WSCD1: variants seen among roughly 807,000 people sequenced by gnomAD.
WSCD1 encodes the protein WSC domain sialate O sulfotransferase 1.
In WSCD1, 41 loss-of-function variants were observed where a neutral mutation model predicts 60.4. The observed-to-expected ratio is 0.68, with a 90% CI of 0.53 to 0.88. WSCD1 has a LOEUF of 0.88. Ranked by LOEUF, WSCD1 falls within the 40% of genes least tolerant of loss-of-function variation. The pLI is 0.00. For synonymous variants in WSCD1, 361 were observed against 332.5 expected (o/e 1.09, Z -0.93); for missense variants, 784 against 796.2 (o/e 0.98, Z 0.18).
Position 6,120,396 on chromosome 17 carries a change from T to C in WSCD1, c.1463T>C (p.Val488Ala). 1 of 1,614,030 alleles carries C rather than the reference T, an allele frequency of 6.2e-7. No homozygotes were observed. The highest frequency in any genetic ancestry group is 8.5e-7 in the Non-Finnish European group (1 of 1,180,010). ...AAGTACGGGAAGCGGCTGCTGGTGG[T>C]GCACTACGAGGAGCTGCGGCGCAGC... ...WLKYGKRLLVVHYEELRRSLV... is the reference protein window; with the variant it reads ...WLKYGKRLLVAHYEELRRSLV... Residue 488 changes from valine to alanine, a missense_variant, in exon 9 of 9, where the codon GTG becomes GCG. Transcript: ENST00000317744.
chr17:6,081,026 A>G lies in WSCD1; in HGVS notation c.368A>G (p.Asp123Gly), dbSNP rs1285589408. 4.5e-6 allele frequency: 7 copies of G among 1,542,892 alleles called. No homozygotes were observed. In the South Asian group the frequency reaches 8.3e-5, roughly 18 times the overall value. ...RRRWFHHFMS[D>G]SQGPPALGPE... is the part of the protein sequence containing the mutation. The stretch of plus-strand genomic sequence containing the variant: ...CGCTGGTTCCACCACTTCATGAGTG[A>G]CTCCCAGGGACCGCCCGCCCTGGGC... Residue 123 changes from aspartate to glycine, a missense_variant, in exon 2 of 9, where the codon GAC becomes GGC. Physicochemically the swap from Asp to Gly is moderately conservative, Grantham distance 94. Coordinates refer to ENST00000317744, the MANE Select transcript of WSCD1 (RefSeq NM_015253.2).
chr17:6,086,029 G>C (rs1021347171), intron 2 of WSCD1, among the ~76,000 whole-genome samples: 1 of 152,034 alleles, frequency 6.6e-6, no homozygotes, highest in Non-Finnish European at 1.5e-5. Context: ...GAGGCTCAGA[G>C]CCTGGCTGGG....
At chr17:6,109,879 T>A (rs549176249) in intron 6 of WSCD1, 113 bp downstream of exon 6, 7 of 1,422,278 alleles carry the variant, frequency 4.9e-6, no homozygotes, top group African/African-American at 4.2e-5. Flanking sequence ...GTATGGCATG[T>A]GTCTGTGTAA....
At chr17:6,070,914 G>A (rs1305131518) in intron 1 of WSCD1, among the ~76,000 whole-genome samples, 1 of 151,672 alleles carries the variant, frequency 6.6e-6, no homozygotes, top group African/African-American at 2.4e-5. Context: ...GGATGGGGTG[G>A]GGGTGCGCGA....
In WSCD1 at chr17:6,117,478, G is replaced by C. The variant is rs186717052; in HGVS notation, c.1175-510G>C. Reference sequence around the variant, plus strand: ...CTGTGGGGAGGTGAGAGGAGGCTGGGGGTCTCACAGAGACACACGGTGGCA... The same window carrying C: ...CTGTGGGGAGGTGAGAGGAGGCTGGCGGTCTCACAGAGACACACGGTGGCA... On this transcript the variant is annotated intron_variant, in intron 7 of 8. Coordinates refer to ENST00000317744, the MANE Select transcript of WSCD1 (RefSeq NM_015253.2). Among the ~76,000 whole-genome samples, 123 of 152,324 alleles carry C rather than the reference G, an allele frequency of 8.1e-4. No individual in the cohort carries two copies. In the Middle Eastern group the frequency reaches 0.014, roughly 17 times the overall value.
intron 7 of WSCD1, among the ~76,000 whole-genome samples, chr17:6,112,741 A>C (rs1249461513): frequency 6.6e-6 from 1 of 152,202 alleles, no homozygotes; most frequent in African/African-American, 2.4e-5. Context: ...ATTTAATAAA[A>C]GAGATGAAAG....
chr17:6,111,054 G>A (rs2150566353), intron 7 of WSCD1, 119 bp downstream of exon 7: 1 of 1,289,912 alleles, frequency 7.8e-7, no homozygotes, highest in Non-Finnish European at 1.0e-6. Flanking sequence ...GTACATAAGA[G>A]TCACCTGTGG....
At chr17:6,109,405 C>G (rs1279127109) in intron 5 of WSCD1, among the ~76,000 whole-genome samples, 1 of 152,206 alleles carries the variant, frequency 6.6e-6, no homozygotes, top group African/African-American at 2.4e-5. Flanking sequence ...ACTTGAGCTG[C>G]TTGAAGCTCA....
intron 5 of WSCD1, among the ~76,000 whole-genome samples, chr17:6,107,742 T>C (rs1442883144): frequency 6.6e-6 from 1 of 151,354 alleles, no homozygotes; most frequent in African/African-American, 2.4e-5. Context: ...GGTTTTGTGA[T>C]AGAGGGTGGA....
At chr17:6,120,218 G>T in intron 8 of WSCD1, 91 bp from the exon 9 acceptor site, 3 of 1,383,066 alleles carry the variant, frequency 2.2e-6, no homozygotes, top group African/African-American at 1.4e-5. Flanking sequence ...GGAAAACCCT[G>T]CCCACTTCCC....
chr17:6,099,562 T>C (rs1474137486), intron 5 of WSCD1, among the ~76,000 whole-genome samples: 1 of 151,876 alleles, frequency 6.6e-6, no homozygotes, highest in Non-Finnish European at 1.5e-5. Flanking sequence ...AATATGGTGA[T>C]TCCCACTGTC....
intron 3 of WSCD1, among the ~76,000 whole-genome samples, chr17:6,090,015 G>A (rs1190740797): frequency 6.6e-6 from 1 of 152,104 alleles, no homozygotes; most frequent in Non-Finnish European, 1.5e-5. Context: ...TCCAGACTCA[G>A]TTGCCATTGC....
chr17:6,087,820 A>T (rs1909756667), intron 2 of WSCD1, 170 bp from the exon 3 acceptor site: 2 of 536,922 alleles, frequency 3.7e-6, no homozygotes, highest in Non-Finnish European at 3.3e-6. Context: ...GAGGTGTCAG[A>T]TGCTCACTTT....
In WSCD1 at chr17:6,094,996, A is replaced by G. The variant is rs993676668; in HGVS notation, c.728-106A>G. 11 of 1,492,046 alleles carry G rather than the reference A, an allele frequency of 7.4e-6. No individual in the cohort carries two copies. The South Asian group carries it at 1.5e-4, about 20-fold the overall frequency. The allele number at this position is 1,492,046 out of a possible 1,614,324, so 92.4% of individuals were successfully genotyped here. A position where few individuals can be genotyped will look rare whatever the true frequency, so the allele number is the denominator to read the frequency against. On this transcript the variant is annotated intron_variant, in intron 4 of 8. Coordinates refer to ENST00000317744, the MANE Select transcript of WSCD1 (RefSeq NM_015253.2). Reference sequence around the variant, plus strand: ...CTCCCTGATTTGAACTCGCCTCGTAAGTTTATTTATACCTGTCTCAGGACC... The same window carrying G: ...CTCCCTGATTTGAACTCGCCTCGTAGGTTTATTTATACCTGTCTCAGGACC...
Position 6,117,677 on chromosome 17 carries a change from G to A in WSCD1, c.1175-311G>A, listed in dbSNP as rs993778090. On this transcript the variant is annotated intron_variant, in intron 7 of 8. Transcript: ENST00000317744. Reference sequence around the variant, plus strand: ...CTATGAAGATGCCCAAAACATATGCGTGCATCTGCAATGACGGGTCTTCTG... The same window carrying A: ...CTATGAAGATGCCCAAAACATATGCATGCATCTGCAATGACGGGTCTTCTG... Among the ~76,000 whole-genome samples the A allele has an allele frequency of 8.5e-5, 13 of 152,336 alleles. No homozygotes were observed. The East Asian group carries it at 1.5e-3, about 18-fold the overall frequency.
At chr17:6,097,563 C>A (rs1597362245) in intron 5 of WSCD1, among the ~76,000 whole-genome samples, 1 of 152,260 alleles carries the variant, frequency 6.6e-6, no homozygotes, top group Non-Finnish European at 1.5e-5. Flanking sequence ...CTTTCTCATT[C>A]TTTTTTACCA....
chr17:6,104,949 C>G (rs1414438997), intron 5 of WSCD1, among the ~76,000 whole-genome samples: 4 of 152,122 alleles, frequency 2.6e-5, no homozygotes, highest in African/African-American at 4.8e-5. Context: ...TCTGTGTAAC[C>G]CTGGGGATCC....
chr17:6,109,901 T>C, intron 6 of WSCD1, 135 bp downstream of exon 6: 1 of 1,204,592 alleles, frequency 8.3e-7, no homozygotes, highest in Non-Finnish European at 1.1e-6. Flanking sequence ...GGTCTTGGCA[T>C]CTTGATGGGT....
In WSCD1 at chr17:6,073,570, C is replaced by T. The variant is rs145964017; in HGVS notation, c.-289+2918C>T. Among the ~76,000 whole-genome samples the T allele has an allele frequency of 2.1e-3, 316 of 152,320 alleles. 2 individuals are homozygous for T. The highest frequency in any genetic ancestry group is 7.2e-3 in the African/African-American group (300 of 41,580). ...GCTTGAACCCAGGAGGCGGAGGTTG[C>T]GGTGAGCCAAGATCATGCCACTACA... is the stretch of plus-strand genomic sequence containing the variant. On this transcript the variant is annotated intron_variant, in intron 1 of 8. Coordinates refer to ENST00000317744, the MANE Select transcript of WSCD1 (RefSeq NM_015253.2).
Sources: allele counts gnomAD v4.1 joint callset (sites outside exome capture counted in the v4.1 genomes callset), GRCh38; gene constraint gnomAD v4.1.1; transcripts MANE v1.5; gene names NCBI Gene and HGNC (gene_info 2026-07-23, HGNC 2026-07-21).